SDK1: variants seen among roughly 807,000 people sequenced by gnomAD.
The protein encoded by SDK1 is sidekick cell adhesion molecule 1.
SDK1 carries 157 observed loss-of-function variants against 245.5 expected under a neutral mutation model. The ratio of observed to expected loss-of-function variants is 0.64; its 90% CI spans 0.56 to 0.73. The LOEUF is 0.73. SDK1 is among the 30% of genes least tolerant of loss of function. The pLI is 0.00. For missense variants in SDK1, 3,583 were observed against 3,002.3 expected (o/e 1.19, Z -4.52); for synonymous variants, 1,647 against 1,278.5 (o/e 1.29, Z -6.15).
chr7:4,174,729 C>CT (rs1782079434), intron 33 of SDK1, among the ~76,000 whole-genome samples: 1 of 152,154 alleles, frequency 6.6e-6, no homozygotes, highest in Non-Finnish European at 1.5e-5. Flanking sequence ...CAGGCCCCGC[C>CT]TGTCTGTACC....
intron 1 of SDK1, among the ~76,000 whole-genome samples, chr7:3,336,181 A>G (rs1780194640): frequency 6.6e-6 from 1 of 152,164 alleles, no homozygotes; most frequent in Admixed American, 6.5e-5. Flanking sequence ...AAACCAAGGA[A>G]ACTGCCCTCC....
At chr7:4,047,879 C>T (rs1789134730) in intron 17 of SDK1, among the ~76,000 whole-genome samples, 1 of 152,136 alleles carries the variant, frequency 6.6e-6, no homozygotes, top group Non-Finnish European at 1.5e-5. Flanking sequence ...TTCCAATGCT[C>T]GGCATCCCAG....
chr7:3,539,492 A>C (rs961014633), intron 1 of SDK1, among the ~76,000 whole-genome samples: 2 of 152,192 alleles, frequency 1.3e-5, no homozygotes, highest in African/African-American at 4.8e-5. Flanking sequence ...AGGCTAGAAC[A>C]GCTGAGTTTC....
At chr7:3,367,420 A>C (rs755842627) in intron 1 of SDK1, among the ~76,000 whole-genome samples, 1 of 152,186 alleles carries the variant, frequency 6.6e-6, no homozygotes, top group Non-Finnish European at 1.5e-5. Flanking sequence ...TTTCAAGCCA[A>C]CTGTCACAGG....
intron 1 of SDK1, among the ~76,000 whole-genome samples, chr7:3,566,524 C>T (rs577271962): frequency 2.6e-5 from 4 of 151,934 alleles, no homozygotes; most frequent in South Asian, 2.1e-4. Flanking sequence ...CACGCCCGGC[C>T]GATAAACTTC....
At chr7:3,388,504 G>A (rs182713986) in intron 1 of SDK1, among the ~76,000 whole-genome samples, 3 of 152,038 alleles carry the variant, frequency 2.0e-5, no homozygotes, top group East Asian at 1.9e-4. Context: ...AGGCTCAAGC[G>A]ATCCCCCCAT....
At chr7:4,101,984 C>G (rs878940824) in intron 22 of SDK1, among the ~76,000 whole-genome samples, 2 of 152,184 alleles carry the variant, frequency 1.3e-5, no homozygotes, top group South Asian at 4.1e-4. Flanking sequence ...CACAGCCCTT[C>G]TGCCTCTGAA....
chr7:3,648,265 A>T (rs545188101), intron 4 of SDK1, among the ~76,000 whole-genome samples: 27 of 152,200 alleles, frequency 1.8e-4, no homozygotes, highest in Non-Finnish European at 3.5e-4. Flanking sequence ...GTTGGTAGTT[A>T]TCAGATTAGA....
chr7:3,895,164 ATAAGT>A (rs1781570226), intron 5 of SDK1, among the ~76,000 whole-genome samples: 1 of 152,234 alleles, frequency 6.6e-6, no homozygotes, highest in Admixed American at 6.5e-5. Flanking sequence ...GAAAGAAATC[ATAAGT>A]AGTAATTAAG....
chr7:3,871,693 A>C (rs1372561925), intron 5 of SDK1, among the ~76,000 whole-genome samples: 2 of 152,168 alleles, frequency 1.3e-5, no homozygotes, highest in African/African-American at 4.8e-5. Context: ...CCCTTTAACA[A>C]TCAGCCCTCC....
chr7:4,174,401 A>T, intron 33 of SDK1, 44 bp downstream of exon 33: 1 of 1,601,768 alleles, frequency 6.2e-7, no homozygotes, highest in Non-Finnish European at 8.5e-7. Flanking sequence ...GGAGGTTCCC[A>T]GGGGACCCTT....
At chr7:3,531,777 T>G (rs1783354847) in intron 1 of SDK1, among the ~76,000 whole-genome samples, 1 of 152,244 alleles carries the variant, frequency 6.6e-6, no homozygotes. Flanking sequence ...TTTATGATGC[T>G]TATCTGAACA....
At chr7:3,511,454 C>T (rs1220099245) in intron 1 of SDK1, among the ~76,000 whole-genome samples, 1 of 152,136 alleles carries the variant, frequency 6.6e-6, no homozygotes, top group Non-Finnish European at 1.5e-5. Context: ...ATTTTACTTA[C>T]TTTAGTGCTT....
intron 17 of SDK1, among the ~76,000 whole-genome samples, chr7:4,036,583 C>T (rs1788237659): frequency 6.6e-6 from 1 of 152,090 alleles, no homozygotes; most frequent in African/African-American, 2.4e-5. Context: ...TAGTATATGC[C>T]ATGGTCTAAA....
intron 1 of SDK1, among the ~76,000 whole-genome samples, chr7:3,393,845 C>G (rs1416792645): frequency 6.6e-6 from 1 of 152,038 alleles, no homozygotes; most frequent in African/African-American, 2.4e-5. Context: ...TCACTGTTGT[C>G]TTATTTAGTT....
intron 42 of SDK1, among the ~76,000 whole-genome samples, chr7:4,239,882 C>T (rs2128237727): frequency 6.6e-6 from 1 of 152,250 alleles, no homozygotes; most frequent in Non-Finnish European, 1.5e-5. Flanking sequence ...TACATTAGCC[C>T]CCTGAGCCAA....
chr7:3,401,945 A>G (rs964577446), intron 1 of SDK1, among the ~76,000 whole-genome samples: 8 of 152,146 alleles, frequency 5.3e-5, no homozygotes, highest in African/African-American at 1.7e-4. Flanking sequence ...GTATGTGTGT[A>G]GCTGTCTTTA....
In SDK1 at chr7:3,653,784, C is replaced by T. The variant is rs1783078294; in HGVS notation, c.713+11679C>T. Among the ~76,000 whole-genome samples the T allele has an allele frequency of 2.0e-5, 3 of 152,130 alleles. 1 individual carries two copies. The South Asian group carries it at 6.2e-4, about 32-fold the overall frequency. ...ACAAAGTGAAGGCCTTCTGGAGCTG[C>T]TCCTTTGGGTATTTGGCTGCAGGAC... On this transcript the variant is annotated intron_variant, in intron 4 of 44. Coordinates refer to ENST00000404826, the MANE Select transcript of SDK1 (RefSeq NM_152744.4).
Position 3,415,834 on chromosome 7 carries a change from A to G in SDK1, c.298+113950A>G, listed in dbSNP as rs77937273. Among the ~76,000 whole-genome samples, 177 of 152,180 alleles carry G rather than the reference A, an allele frequency of 1.2e-3. 2 individuals are homozygous for G. Among genetic ancestry groups the G allele is most frequent in the African/African-American group, 4.1e-3 (170 of 41,524 alleles). On this transcript the variant is annotated intron_variant, in intron 1 of 44. Coordinates refer to ENST00000404826, the MANE Select transcript of SDK1 (RefSeq NM_152744.4). The stretch of plus-strand genomic sequence containing the variant: ...TCCATTGCCTAGCACTTAAGTGTGA[A>G]CACATATTTTTGAATGACTAACTGA...
Sources: gnomAD v4.1 joint callset for allele counts (sites outside exome capture counted in the v4.1 genomes callset) on GRCh38, gnomAD v4.1.1 for gene constraint, MANE v1.5 for transcripts, NCBI Gene and HGNC (gene_info 2026-07-23, HGNC 2026-07-21) for gene names.